CTNND2: variants seen among roughly 807,000 people sequenced by gnomAD.
The protein encoded by CTNND2 is catenin delta-2.
A neutral mutation model predicts 144.4 loss-of-function variants in CTNND2; 22 were observed. The ratio of observed to expected loss-of-function variants is 0.15; its 90% CI spans 0.11 to 0.22. The LOEUF (loss-of-function observed/expected upper bound fraction) is 0.22. Among genes scored for constraint, CTNND2 ranks in the 10% least tolerant of loss-of-function variants. The pLI is 1.00. For missense variants in CTNND2, 1,353 were observed against 1,618.8 expected (o/e 0.84, Z 2.82); for synonymous variants, 751 against 695.6 (o/e 1.08, Z -1.25).
At chr5:11,471,809 A>C (rs911593351) in intron 3 of CTNND2, among the ~76,000 whole-genome samples, 3 of 152,354 alleles carry the variant, frequency 2.0e-5, no homozygotes, top group Admixed American at 6.5e-5. Context: ...ATCACTCTCC[A>C]GAAGAATAGG....
intron 3 of CTNND2, among the ~76,000 whole-genome samples, chr5:11,439,383 A>G (rs1344635333): frequency 6.6e-6 from 1 of 152,174 alleles, no homozygotes; most frequent in Non-Finnish European, 1.5e-5. Flanking sequence ...TTGGCCAGAA[A>G]TTCTGGGATA....
chr5:11,598,567 C>T (rs1309732901), intron 2 of CTNND2, among the ~76,000 whole-genome samples: 1 of 152,064 alleles, frequency 6.6e-6, no homozygotes, highest in Non-Finnish European at 1.5e-5. Flanking sequence ...AGAGGAAACA[C>T]CTATCACCTT....
chr5:11,309,701 G>A (rs902237445), intron 9 of CTNND2, among the ~76,000 whole-genome samples: 1 of 152,108 alleles, frequency 6.6e-6, no homozygotes, highest in Non-Finnish European at 1.5e-5. Context: ...TATGTGAGAA[G>A]GACATGAGAT....
chr5:11,448,039 G>A (rs61753759), intron 3 of CTNND2, among the ~76,000 whole-genome samples: 17 of 152,276 alleles, frequency 1.1e-4, no homozygotes, highest in African/African-American at 2.6e-4. Context: ...AGTGTTCTGC[G>A]AAGGGAGAGG....
intron 3 of CTNND2, among the ~76,000 whole-genome samples, chr5:11,454,659 C>T (rs975733555): frequency 3.3e-5 from 5 of 151,270 alleles, no homozygotes; most frequent in South Asian, 4.2e-4. Context: ...TGCAGTGGCA[C>T]GATCTCAGCT....
At chr5:11,378,245 A>T (rs1758128166) in intron 7 of CTNND2, among the ~76,000 whole-genome samples, 1 of 152,178 alleles carries the variant, frequency 6.6e-6, no homozygotes, top group Non-Finnish European at 1.5e-5. Flanking sequence ...TGCAGAAGAG[A>T]GACCCATATT....
intron 16 of CTNND2, among the ~76,000 whole-genome samples, chr5:11,065,581 C>G (rs1299089074): frequency 6.6e-6 from 1 of 152,194 alleles, no homozygotes; most frequent in African/African-American, 2.4e-5. Context: ...CACTCTATCT[C>G]TTTTTATCTG....
In CTNND2 at chr5:11,490,303, T is replaced by C. The variant is rs185266410; in HGVS notation, c.287+74641A>G. On this transcript the variant is annotated intron_variant, in intron 3 of 21. Coordinates refer to ENST00000304623, the MANE Select transcript of CTNND2 (RefSeq NM_001332.4). ...TTTACATACTAAAAACGTAATATATTTTGAGATGTATGCTGAGCTTTATCC... is the reference window on the plus strand; with the variant it reads ...TTTACATACTAAAAACGTAATATATCTTGAGATGTATGCTGAGCTTTATCC... 1.4e-3 allele frequency among the ~76,000 whole-genome samples: 217 copies of C among 152,320 alleles called. 2 individuals are homozygous for C. In the Middle Eastern group the frequency reaches 0.041, roughly 29 times the overall value.
At chr5:11,891,067 C>T (rs1736919262) in intron 1 of CTNND2, among the ~76,000 whole-genome samples, 2 of 152,156 alleles carry the variant, frequency 1.3e-5, no homozygotes, top group South Asian at 4.1e-4. Context: ...GGATCAGCCT[C>T]TTAACACTGA....
At chr5:11,436,938 A>G (rs1763827047) in intron 3 of CTNND2, among the ~76,000 whole-genome samples, 1 of 152,250 alleles carries the variant, frequency 6.6e-6, no homozygotes, top group Non-Finnish European at 1.5e-5. Context: ...ATCTAAAAAT[A>G]CAGGCCAACC....
At chr5:11,584,907 G>T (rs1307013107) in intron 2 of CTNND2, among the ~76,000 whole-genome samples, 1 of 152,052 alleles carries the variant, frequency 6.6e-6, no homozygotes, top group Non-Finnish European at 1.5e-5. Flanking sequence ...GCTAATAGAG[G>T]ATAGAAACAT....
chr5:11,300,448 T>C (rs577566362), intron 9 of CTNND2, among the ~76,000 whole-genome samples: 1 of 152,238 alleles, frequency 6.6e-6, no homozygotes, highest in Non-Finnish European at 1.5e-5. Flanking sequence ...TCCAGCTTCC[T>C]TGTCAGGGCT....
chr5:11,527,460 A>AC (rs1160948767), intron 3 of CTNND2, among the ~76,000 whole-genome samples: 2 of 150,370 alleles, frequency 1.3e-5, no homozygotes, highest in African/African-American at 2.4e-5. Context: ...CTGGAATCCC[A>AC]CCCCCTGTAC....
At chr5:11,071,434 G>A (rs558501354) in intron 16 of CTNND2, among the ~76,000 whole-genome samples, 1 of 152,278 alleles carries the variant, frequency 6.6e-6, no homozygotes, top group South Asian at 2.1e-4. Context: ...CAGATACCCA[G>A]GTGCCCGAGG....
chr5:11,500,678 C>CTGGA (rs1770445168), intron 3 of CTNND2, among the ~76,000 whole-genome samples: 2 of 152,174 alleles, frequency 1.3e-5, no homozygotes, highest in Admixed American at 1.3e-4. Context: ...TAATCATCAC[C>CTGGA]ATGCTGTCAT....
At chr5:11,002,294 A>C (rs1740036932) in intron 18 of CTNND2, among the ~76,000 whole-genome samples, 1 of 152,158 alleles carries the variant, frequency 6.6e-6, no homozygotes, top group Non-Finnish European at 1.5e-5. Flanking sequence ...TCAATAAGAG[A>C]GTGGAGAGAA....
intron 9 of CTNND2, among the ~76,000 whole-genome samples, chr5:11,271,808 G>A (rs532600054): frequency 6.6e-6 from 1 of 152,260 alleles, no homozygotes; most frequent in Admixed American, 6.5e-5. Context: ...GGGGATGTCT[G>A]GGAGCGGGTG....
chr5:11,233,335 G>A (rs756788250), intron 10 of CTNND2, among the ~76,000 whole-genome samples: 15 of 152,094 alleles, frequency 9.9e-5, no homozygotes, highest in African/African-American at 1.4e-4. Context: ...TATGAAAACC[G>A]TACAAATCAC....
chr5:11,281,948 A>T (rs1174719042), intron 9 of CTNND2, among the ~76,000 whole-genome samples: 2 of 152,218 alleles, frequency 1.3e-5, no homozygotes, highest in Non-Finnish European at 2.9e-5. Context: ...GTGCTGAATA[A>T]ACTATCCCAA....
Sources: allele counts gnomAD v4.1 joint callset (sites outside exome capture counted in the v4.1 genomes callset), GRCh38; gene constraint gnomAD v4.1.1; transcripts MANE v1.5; gene names NCBI Gene and HGNC (gene_info 2026-07-23, HGNC 2026-07-21).